DPYD: variants seen among roughly 807,000 people sequenced by gnomAD.
DPYD encodes the protein dihydropyrimidine dehydrogenase, also known as dihydropyrimidine dehydrogenase [NADP(+)].
Under a neutral mutation model 116.2 loss-of-function variants are expected in DPYD, and 109 were observed. The ratio of observed to expected loss-of-function variants is 0.94; its 90% CI spans 0.80 to 1.10. The LOEUF is 1.10. DPYD is among the 50% of genes least tolerant of loss of function. DPYD has a pLI of 0.00. For missense variants in DPYD, 1,302 were observed against 1,254.5 expected, an observed-to-expected ratio of 1.04 and a Z score of -0.57; for synonymous variants, 440 against 432.0, an observed-to-expected ratio of 1.02 and a Z score of -0.23.
At chr1:97,619,106 G>T (rs950887030) in intron 8 of DPYD, among the ~76,000 whole-genome samples, 2 of 151,850 alleles carry the variant, frequency 1.3e-5, no homozygotes, top group African/African-American at 4.8e-5. Context: ...TATATACTTT[G>T]GTAAAATTTT....
At chr1:97,171,805 G>T (rs1557910024) in intron 20 of DPYD, among the ~76,000 whole-genome samples, 1 of 152,110 alleles carries the variant, frequency 6.6e-6, no homozygotes, top group Admixed American at 6.5e-5. Flanking sequence ...TCTAACAGTT[G>T]TGTCTGTTTT....
At chr1:97,121,615 T>C (rs1238828931) in intron 20 of DPYD, among the ~76,000 whole-genome samples, 1 of 152,172 alleles carries the variant, frequency 6.6e-6, no homozygotes, top group Non-Finnish European at 1.5e-5. Flanking sequence ...GTAACAACTC[T>C]GTTGGAAAGA....
rs148354335 is a variant in DPYD at position 97,789,107 on chromosome 1, C to G, written c.233+39007G>C. 5.3e-3 allele frequency among the ~76,000 whole-genome samples: 809 copies of G among 152,258 alleles called. 7 individuals are homozygous for G. The highest frequency in any genetic ancestry group is 0.02 in the Middle Eastern group (6 of 294). On this transcript the variant is annotated intron_variant, in intron 3 of 22. Coordinates refer to ENST00000370192, the MANE Select transcript of DPYD (RefSeq NM_000110.4). ...AGCTGTTTAATGCAAACACCTGTGG[C>G]TGAATAAAACCTTAACCCAAGAAAT... is the stretch of plus-strand genomic sequence containing the variant.
At chr1:97,477,139 C>T (rs1678011420) in intron 13 of DPYD, among the ~76,000 whole-genome samples, 1 of 152,156 alleles carries the variant, frequency 6.6e-6, no homozygotes, top group Non-Finnish European at 1.5e-5. Context: ...CTTTATTTCA[C>T]AAAAGATTTC....
chr1:97,384,483 T>C (rs1672197215), intron 14 of DPYD, among the ~76,000 whole-genome samples: 1 of 151,974 alleles, frequency 6.6e-6, no homozygotes, highest in African/African-American at 2.4e-5. Flanking sequence ...TATCAAAGAC[T>C]GAAAGAATAA....
chr1:97,374,718 G>GAAAAAA (rs144889184), intron 15 of DPYD, among the ~76,000 whole-genome samples: 8 of 52,612 alleles, frequency 1.5e-4, no homozygotes, highest in African/African-American at 8.2e-4. Flanking sequence ...CTCCGTCTCA[G>GAAAAAA]AAAAAAAAAA....
intron 20 of DPYD, among the ~76,000 whole-genome samples, chr1:97,116,577 T>C (rs891700173): frequency 1.3e-5 from 2 of 151,070 alleles, no homozygotes; most frequent in Non-Finnish European, 3.0e-5. Flanking sequence ...AAGGCTGAGG[T>C]GGAAGGATTG....
intron 12 of DPYD, among the ~76,000 whole-genome samples, chr1:97,540,185 C>T (rs575628669): frequency 1.3e-4 from 20 of 151,922 alleles, no homozygotes; most frequent in South Asian, 2.1e-4. Context: ...CCCAAAACTG[C>T]CCCCTACCAC....
intron 11 of DPYD, 43 bp from the exon 12 acceptor site, chr1:97,549,787 A>G (rs1332064237): frequency 4.0e-6 from 6 of 1,512,838 alleles, no homozygotes; most frequent in Non-Finnish European, 5.5e-6. Flanking sequence ...ACTAGTCAAC[A>G]GACAATTCCA....
intron 18 of DPYD, among the ~76,000 whole-genome samples, chr1:97,241,040 A>C (rs1450259614): frequency 6.6e-6 from 1 of 152,048 alleles, no homozygotes; most frequent in African/African-American, 2.4e-5. Flanking sequence ...ATGTTATTTT[A>C]GTTTTTTCAG....
chr1:97,198,044 T>C (rs1658935858), intron 19 of DPYD, among the ~76,000 whole-genome samples: 1 of 152,214 alleles, frequency 6.6e-6, no homozygotes, highest in Non-Finnish European at 1.5e-5. Flanking sequence ...GAATTTTTGA[T>C]AGTAGGAACT....
intron 13 of DPYD, among the ~76,000 whole-genome samples, chr1:97,460,079 A>G (rs1676930668): frequency 1.3e-5 from 2 of 152,196 alleles, no homozygotes; most frequent in South Asian, 4.1e-4. Context: ...CATTTTTACT[A>G]TATCTTAAAC....
At chr1:97,541,802 G>A (rs1650468667) in intron 12 of DPYD, among the ~76,000 whole-genome samples, 1 of 152,070 alleles carries the variant, frequency 6.6e-6, no homozygotes, top group East Asian at 1.9e-4. Context: ...TTTAGCTATA[G>A]TCATTCTTTC....
chr1:97,520,824 C>T (rs113917220), intron 12 of DPYD, among the ~76,000 whole-genome samples: 32 of 152,184 alleles, frequency 2.1e-4, no homozygotes, highest in African/African-American at 6.7e-4. Flanking sequence ...TTGGAGGCTG[C>T]GTAGTATTCC....
At chr1:97,265,202 TTGG>T (rs556489274) in intron 18 of DPYD, among the ~76,000 whole-genome samples, 42 of 152,142 alleles carry the variant, frequency 2.8e-4, no homozygotes, top group Non-Finnish European at 4.9e-4. Flanking sequence ...TTCCCTCTTC[TTGG>T]TGTTCTAAAT....
chr1:97,809,287 C>A (rs1668234959), intron 3 of DPYD, among the ~76,000 whole-genome samples: 1 of 152,156 alleles, frequency 6.6e-6, no homozygotes, highest in Admixed American at 6.5e-5. Context: ...CTAACTGCTA[C>A]CTCTCCAACA....
intron 8 of DPYD, among the ~76,000 whole-genome samples, chr1:97,654,845 C>A (rs546603031): frequency 1.1e-4 from 16 of 152,094 alleles, no homozygotes; most frequent in Non-Finnish European, 2.2e-4. Flanking sequence ...ACTGAGCTCG[C>A]AGTTCCATGT....
intron 5 of DPYD, among the ~76,000 whole-genome samples, chr1:97,701,110 A>G (rs1661572650): frequency 6.7e-6 from 1 of 149,890 alleles, no homozygotes; most frequent in Non-Finnish European, 1.5e-5. Context: ...TAAATATAAG[A>G]GCACAGATAG....
At chr1:97,329,326 T>C (rs1001545854) in intron 16 of DPYD, among the ~76,000 whole-genome samples, 2 of 152,198 alleles carry the variant, frequency 1.3e-5, no homozygotes, top group African/African-American at 2.4e-5. Context: ...AAATAAAGTA[T>C]ATGTCTCTTT....
Sources: gnomAD v4.1 joint callset for allele counts (sites outside exome capture counted in the v4.1 genomes callset) on GRCh38, gnomAD v4.1.1 for gene constraint, MANE v1.5 for transcripts, NCBI Gene and HGNC (gene_info 2026-07-23, HGNC 2026-07-21) for gene names.